The following SNW1 variants were observed in gnomAD, a reference collection of about 807,000 sequenced individuals.
SNW1 encodes SNW domain-containing protein 1.
Under a neutral mutation model 75.6 loss-of-function variants are expected in SNW1, and 9 were observed. That is an observed-to-expected ratio of 0.12 (90% CI 0.07 to 0.21). The LOEUF (loss-of-function observed/expected upper bound fraction) is 0.21, where lower values mean the gene tolerates loss of function less well. Ranked by LOEUF, SNW1 falls within the 10% of genes least tolerant of loss-of-function variation. The pLI is 1.00. For synonymous variants in SNW1, 200 were observed against 219.1 expected, an observed-to-expected ratio of 0.91 and a Z score of 0.77; for missense variants, 409 against 670.9, an observed-to-expected ratio of 0.61 and a Z score of 4.31.
intron 10 of SNW1, among the ~76,000 whole-genome samples, chr14:77,727,920 C>A (rs971605708): frequency 6.6e-6 from 1 of 152,120 alleles, no homozygotes; most frequent in South Asian, 2.1e-4. Flanking sequence ...AATTTGGAAG[C>A]ATTCCCTTCT....
At chr14:77,736,091 T>C (rs1595081619) in intron 6 of SNW1, 85 bp from the exon 7 acceptor site, 1 of 967,468 alleles carries the variant, frequency 1.0e-6, no homozygotes, top group East Asian at 2.5e-5. Context: ...TTTTCTTGCA[T>C]AAAAGTTTCA....
chr14:77,723,150 A>G (rs781026002), intron 11 of SNW1, 31 bp downstream of exon 11: 131 of 1,569,396 alleles, frequency 8.3e-5, no homozygotes, highest in Non-Finnish European at 1.1e-4. Flanking sequence ...CCCGGCCACC[A>G]TGATTGGTAC....
At chr14:77,760,956 A>G (rs1594814339) in intron 1 of SNW1, 158 bp downstream of exon 1, 1 of 1,529,932 alleles carries the variant, frequency 6.5e-7, no homozygotes, top group Non-Finnish European at 9.0e-7. Flanking sequence ...GACTAGGCCT[A>G]GTCGTAGCGG....
chr14:77,744,487 GAAAAA>G (rs953066590), intron 3 of SNW1, among the ~76,000 whole-genome samples: 5 of 137,684 alleles, frequency 3.6e-5, no homozygotes, highest in Admixed American at 3.6e-4. Flanking sequence ...GAAAAGAAAA[GAAAAA>G]AAAGAGAAAA....
chr14:77,732,407 T>TA, intron 9 of SNW1, 78 bp downstream of exon 9: 1 of 839,572 alleles, frequency 1.2e-6, no homozygotes, highest in South Asian at 1.4e-5. Flanking sequence ...GTACTATAGT[T>TA]AAATTATCAG....
chr14:77,744,408 T>C (rs533087348), intron 3 of SNW1, among the ~76,000 whole-genome samples: 2 of 126,830 alleles, frequency 1.6e-5, no homozygotes, highest in African/African-American at 3.1e-5. Flanking sequence ...TGAGCCAAGA[T>C]TGCACTCCAG....
intron 3 of SNW1, among the ~76,000 whole-genome samples, chr14:77,742,414 G>A (rs898921169): frequency 1.1e-4 from 16 of 152,052 alleles, no homozygotes; most frequent in African/African-American, 3.4e-4. Flanking sequence ...GCTGGGGAGC[G>A]TTTTCTGAAA....
chr14:77,728,165 A>G (rs1183553052), intron 10 of SNW1, among the ~76,000 whole-genome samples: 1 of 152,034 alleles, frequency 6.6e-6, no homozygotes, highest in Non-Finnish European at 1.5e-5. Flanking sequence ...AAATGTCAGG[A>G]AAGGCTGGGT....
rs1420229195 is a variant in SNW1 at position 77,736,590 on chromosome 14, A to G, written c.638+381T>C. ...AACAAAAACAAAAACAAAAAAAGGC[A>G]GCTTTATTGAGATAATTGACATTTA... On this transcript the variant is annotated intron_variant, in intron 6 of 13. Coordinates refer to ENST00000261531, the MANE Select transcript of SNW1 (RefSeq NM_012245.3). Among the ~76,000 whole-genome samples, 3 of 152,126 alleles carry G rather than the reference A, an allele frequency of 2.0e-5. No homozygotes were observed. In the East Asian group the frequency reaches 5.8e-4, roughly 29 times the overall value.
intron 3 of SNW1, among the ~76,000 whole-genome samples, chr14:77,740,158 AG>A (rs1426529004): frequency 0.014 from 1,238 of 89,122 alleles, 26 homozygotes; most frequent in East Asian, 0.02. Flanking sequence ...AAAAAAAAAA[AG>A]AGAGAGATAC....
At chr14:77,754,056 T>A (rs1422025206) in intron 2 of SNW1, among the ~76,000 whole-genome samples, 2 of 152,064 alleles carry the variant, frequency 1.3e-5, no homozygotes, top group African/African-American at 4.8e-5. Context: ...ATTTTTTATT[T>A]TTTTTGAGAT....
intron 9 of SNW1, among the ~76,000 whole-genome samples, chr14:77,731,754 T>A (rs2080629075): frequency 6.6e-6 from 1 of 152,210 alleles, no homozygotes; most frequent in Non-Finnish European, 1.5e-5. Flanking sequence ...ATATATTTTT[T>A]GAGATGAAGT....
intron 1 of SNW1, among the ~76,000 whole-genome samples, chr14:77,757,391 G>A (rs2080849140): frequency 6.6e-6 from 1 of 152,174 alleles, no homozygotes; most frequent in Non-Finnish European, 1.5e-5. Flanking sequence ...TACTAACCTG[G>A]ATAAGCTACT....
chr14:77,735,989 G>A lies in SNW1; in HGVS notation c.656C>T (p.Pro219Leu). 6.2e-7 allele frequency: 1 copy of A among 1,613,546 alleles called. No homozygotes were observed. Among genetic ancestry groups the A allele is most frequent in the Non-Finnish European group, 8.5e-7 (1 of 1,179,628 alleles). The change falls in exon 7 of 14, where the codon CCC (proline) becomes CTC (leucine). Residue 219 changes from proline to leucine, a missense_variant. Coordinates refer to ENST00000261531, the MANE Select transcript of SNW1 (RefSeq NM_012245.3). The part of the protein sequence containing the change: ...PPRFKINKKI[P>L]RGPPSPPAPV... The stretch of plus-strand genomic sequence containing the variant: ...CGCAGGAGGAGAAGGTGGTCCCCGG[G>A]GAATTTTCTTATTAATCCTGAAGTA...
At chr14:77,732,676 T>A (rs12587825) in intron 8 of SNW1, 75 bp from the exon 9 acceptor site, 361,154 of 903,526 alleles carry the variant, frequency 0.4, 75,143 homozygotes, top group East Asian at 0.54. Flanking sequence ...TTAATTTTAT[T>A]TTTTTCGAGC....
intron 1 of SNW1, among the ~76,000 whole-genome samples, chr14:77,755,739 C>A (rs2139934847): frequency 6.8e-6 from 1 of 147,258 alleles, no homozygotes; most frequent in East Asian, 2.0e-4. Context: ...TTCCATATTT[C>A]TTTCCTTTTT....
At chr14:77,724,701 G>A (rs2080570869) in intron 10 of SNW1, among the ~76,000 whole-genome samples, 1 of 152,138 alleles carries the variant, frequency 6.6e-6, no homozygotes, top group African/African-American at 2.4e-5. Context: ...TTTTATGGCT[G>A]AGTAATATCC....
chr14:77,736,906 A>C lies in SNW1; in HGVS notation c.638+65T>G, dbSNP rs139951103. 3.1e-3 allele frequency: 3,673 copies of C among 1,191,784 alleles called. 90 individuals are homozygous for C. In the African/African-American group the frequency reaches 0.049, roughly 16 times the overall value. 73.8% of individuals were successfully genotyped at this position (1,191,784 alleles called of 1,614,324 possible). ...TGTTTTTGCCTGGCTTCTTTCACTC[A>C]GCATATTGTTTTGAGATTCATCCAT... On this transcript the variant is annotated intron_variant, in intron 6 of 13. Coordinates refer to ENST00000261531, the MANE Select transcript of SNW1 (RefSeq NM_012245.3).
rs529727245 is a variant in SNW1, at chr14:77,754,967, C to T, written c.168G>A (p.Glu56=). ...ATCTAAACTTAAGATCTATATGTAC[C>T]TCTAATAACCGAGGTATCCAGCCTT... is the stretch of plus-strand genomic sequence containing the variant. ...YRKGWIPRLL[E]DFGDGGAFPE... Residue 56 remains glutamate, a splice_region_variant and synonymous_variant, in exon 2 of 14, where the codon GAG becomes GAA. Transcript: ENST00000261531. 1.9e-6 allele frequency: 3 copies of T among 1,587,394 alleles called. No individual in the cohort carries two copies. The highest frequency in any genetic ancestry group is 1.8e-5 in the Admixed American group (1 of 55,822).
Sources: allele counts gnomAD v4.1 joint callset (sites outside exome capture counted in the v4.1 genomes callset), GRCh38; gene constraint gnomAD v4.1.1; transcripts MANE v1.5; gene names NCBI Gene and HGNC (gene_info 2026-07-23, HGNC 2026-07-21).